QTMAN: variants seen among roughly 807,000 people sequenced by gnomAD.
The protein encoded by QTMAN is tRNA-queuosine alpha-mannosyltransferase.
At chr2:144,129,429 T>C in the QTMAN span, among the ~76,000 whole-genome samples, 1 of 151,982 alleles carries the variant, frequency 6.6e-6, no homozygotes, top group Admixed American at 6.6e-5. Context: ...TAAAATGTTA[T>C]TTCTTCTCTT....
At chr2:144,182,840 T>A in the QTMAN span, among the ~76,000 whole-genome samples, 29 of 64,502 alleles carry the variant, frequency 4.5e-4, no homozygotes, top group East Asian at 1.9e-3. Flanking sequence ...TATATATATA[T>A]TATATATATA....
chr2:144,105,572 T>C, the QTMAN span, among the ~76,000 whole-genome samples: 1 of 151,948 alleles, frequency 6.6e-6, no homozygotes, highest in African/African-American at 2.4e-5. Context: ...TCAAAAGAAA[T>C]GAGCAAAGCC....
the QTMAN span, among the ~76,000 whole-genome samples, chr2:144,167,148 A>G: frequency 6.6e-6 from 1 of 152,204 alleles, no homozygotes; most frequent in Non-Finnish European, 1.5e-5. Context: ...TGTGACATAG[A>G]TGTTTGATAA....
At chr2:144,177,517 A>G in the QTMAN span, among the ~76,000 whole-genome samples, 1 of 152,170 alleles carries the variant, frequency 6.6e-6, no homozygotes, top group Non-Finnish European at 1.5e-5. Flanking sequence ...AGGAGTTGGC[A>G]TATGGTAAAG....
chr2:144,248,048 G>A, the QTMAN span, among the ~76,000 whole-genome samples: 2 of 152,154 alleles, frequency 1.3e-5, no homozygotes, highest in African/African-American at 4.8e-5. Context: ...CTAGGTGAAT[G>A]TATTACTTTG....
chr2:144,277,698 C>G, the QTMAN span, among the ~76,000 whole-genome samples: 606 of 152,058 alleles, frequency 4.0e-3, 5 homozygotes, highest in African/African-American at 0.014. Flanking sequence ...ATCAACATTA[C>G]TGGATTGACA....
chr2:144,116,242 C>T, the QTMAN span, among the ~76,000 whole-genome samples: 9 of 126,110 alleles, frequency 7.1e-5, no homozygotes, highest in African/African-American at 2.5e-4. Context: ...GCAAGTAAGG[C>T]AAACTGTGAG....
chr2:144,330,398 T>C, the QTMAN span, among the ~76,000 whole-genome samples: 3 of 152,306 alleles, frequency 2.0e-5, no homozygotes, highest in South Asian at 6.2e-4. Context: ...CAAGTACACA[T>C]TTCTCAGAAC....
At chr2:144,234,813 A>C in the QTMAN span, among the ~76,000 whole-genome samples, 7 of 152,280 alleles carry the variant, frequency 4.6e-5, no homozygotes, top group East Asian at 1.2e-3. Context: ...ACAAGTCACG[A>C]TCTGTGTTGA....
chr2:144,235,532 T>A, the QTMAN span: 1 of 152,358 alleles, frequency 6.6e-6, no homozygotes, highest in Admixed American at 6.6e-5. Context: ...TGGTGAAACT[T>A]AAAAAAGGCT....
chr2:144,205,540 C>T, the QTMAN span, among the ~76,000 whole-genome samples: 11 of 152,140 alleles, frequency 7.2e-5, no homozygotes, highest in African/African-American at 2.4e-4. Flanking sequence ...CTCCCAAGGG[C>T]TGGATACCTA....
chr2:143,979,651 TCAA>T, the QTMAN span, among the ~76,000 whole-genome samples: 4 of 152,176 alleles, frequency 2.6e-5, no homozygotes, highest in African/African-American at 9.7e-5. Flanking sequence ...ATAAACGAGA[TCAA>T]CGTCAGTCAT....
At chr2:144,255,212 C>G in the QTMAN span, among the ~76,000 whole-genome samples, 1 of 152,128 alleles carries the variant, frequency 6.6e-6, no homozygotes, top group South Asian at 2.1e-4. Flanking sequence ...TGGCTGTATC[C>G]CCACCCAAAT....
At chr2:144,225,142 C>G in the QTMAN span, among the ~76,000 whole-genome samples, 1 of 152,136 alleles carries the variant, frequency 6.6e-6, no homozygotes, top group African/African-American at 2.4e-5. Context: ...CACAGACCAC[C>G]AAAATGGTAT....
At chr2:144,202,675 C>T in the QTMAN span, among the ~76,000 whole-genome samples, 1 of 151,964 alleles carries the variant, frequency 6.6e-6, no homozygotes, top group Non-Finnish European at 1.5e-5. Context: ...ATTGTCTTCC[C>T]TCTGTAAAAG....
chr2:144,019,148 T>G, the QTMAN span, among the ~76,000 whole-genome samples: 83 of 151,784 alleles, frequency 5.5e-4, 3 homozygotes, highest in South Asian at 0.017. Flanking sequence ...ATGACACAAG[T>G]GAGGGGTCAG....
chr2:144,034,347 G>A, the QTMAN span, among the ~76,000 whole-genome samples: 4 of 152,116 alleles, frequency 2.6e-5, no homozygotes, highest in Non-Finnish European at 2.9e-5. Context: ...CAATCCTCTC[G>A]CACTTGTTAT....
At chr2:144,072,128 C>T in the QTMAN span, among the ~76,000 whole-genome samples, 1 of 152,190 alleles carries the variant, frequency 6.6e-6, no homozygotes, top group South Asian at 2.1e-4. Flanking sequence ...GAGCAAGCAA[C>T]TTCAATCCAA....
the QTMAN span, among the ~76,000 whole-genome samples, chr2:144,082,890 G>A: frequency 2.2e-3 from 326 of 148,354 alleles, 1 homozygote; most frequent in African/African-American, 7.6e-3. Context: ...AAATACACAC[G>A]CACACACACA....
Sources: allele counts gnomAD v4.1 joint callset (sites outside exome capture counted in the v4.1 genomes callset), GRCh38; gene constraint gnomAD v4.1.1; transcripts MANE v1.5; gene names NCBI Gene and HGNC (gene_info 2026-07-23, HGNC 2026-07-21).